The following CABIN1 variants were observed in gnomAD, a reference collection of about 807,000 sequenced individuals.
CABIN1 encodes the protein calcineurin binding protein 1.
In CABIN1, 133 loss-of-function variants were observed where a neutral mutation model predicts 227.7. That is an observed-to-expected ratio of 0.58 (90% CI 0.51 to 0.67). The LOEUF (loss-of-function observed/expected upper bound fraction) is 0.67, where lower values mean the gene tolerates loss of function less well. Ranked by LOEUF, CABIN1 falls within the 30% of genes least tolerant of loss-of-function variation. The pLI is 0.00. For missense variants in CABIN1, 2,408 were observed against 2,852.5 expected, an observed-to-expected ratio of 0.84 and a Z score of 3.55; for synonymous variants, 1,086 against 1,155.1, an observed-to-expected ratio of 0.94 and a Z score of 1.21.
chr22:24,132,586 T>C (rs1365166004), intron 28 of CABIN1, among the ~76,000 whole-genome samples: 2 of 152,040 alleles, frequency 1.3e-5, no homozygotes, highest in East Asian at 3.9e-4. Flanking sequence ...TTGTTTTGCT[T>C]TGTTATTTTT....
intron 34 of CABIN1, 66 bp downstream of exon 34, chr22:24,172,061 A>C (rs1002736199): frequency 1.3e-6 from 2 of 1,548,498 alleles, no homozygotes; most frequent in Non-Finnish European, 1.7e-6. Context: ...CCCTGCGGGG[A>C]GAGTGTGAGT....
chr22:24,086,620 T>C (rs917572849), intron 22 of CABIN1, among the ~76,000 whole-genome samples: 5 of 152,252 alleles, frequency 3.3e-5, no homozygotes, highest in African/African-American at 1.2e-4. Flanking sequence ...ACGATTGGCA[T>C]GTGTGAGGGT....
At chr22:24,128,382 C>T (rs1276124126) in intron 28 of CABIN1, among the ~76,000 whole-genome samples, 1 of 152,150 alleles carries the variant, frequency 6.6e-6, no homozygotes, top group Admixed American at 6.5e-5. Context: ...TATAATTTTT[C>T]ATGATTAGAA....
chr22:24,028,553 T>A (rs1423157965), intron 1 of CABIN1, among the ~76,000 whole-genome samples: 1 of 152,218 alleles, frequency 6.6e-6, no homozygotes, highest in Non-Finnish European at 1.5e-5. Flanking sequence ...GTTAAATGTG[T>A]CCTATCCTCC....
rs1297764676 is a variant in CABIN1, at chr22:24,167,149, C to A, written c.5518C>A (p.Leu1840Ile). The change falls in exon 32 of 37, where the codon CTC becomes ATC. Residue 1840 changes from leucine (L) to isoleucine (I), a missense_variant. Leu to Ile is a conservative substitution (Grantham distance 5). Transcript: ENST00000263119. Reference sequence around the variant, plus strand: ...GGCAGGGGGCCACCCGGAGGAGCCGCTCTCCCGGCTCAGCCGCAAGAGGAA... The same window carrying A: ...GGCAGGGGGCCACCCGGAGGAGCCGATCTCCCGGCTCAGCCGCAAGAGGAA... ...TRAGGHPEEP[L>I]SRLSRKRKLL... 1 of 1,602,436 alleles carries A rather than the reference C, an allele frequency of 6.2e-7. No individual in the cohort carries two copies. The highest frequency in any genetic ancestry group is 8.5e-7 in the Non-Finnish European group (1 of 1,176,090).
chr22:24,019,120 G>T (rs796155050), intron 1 of CABIN1, among the ~76,000 whole-genome samples: 1,067 of 40,016 alleles, frequency 0.027, 24 homozygotes, highest in African/African-American at 0.087. Flanking sequence ...ACTGAGTGTT[G>T]TTTTTTTTTT....
At chr22:24,073,145 T>G (rs896305172) in intron 18 of CABIN1, among the ~76,000 whole-genome samples, 2 of 152,150 alleles carry the variant, frequency 1.3e-5, no homozygotes, top group Non-Finnish European at 2.9e-5. Context: ...GGATCCATAG[T>G]CAGTGCAATG....
At chr22:24,155,544 C>T (rs1034381634) in intron 29 of CABIN1, among the ~76,000 whole-genome samples, 3 of 152,138 alleles carry the variant, frequency 2.0e-5, no homozygotes, top group African/African-American at 7.2e-5. Context: ...TTTTTGCCCT[C>T]CGCCCTGAGG....
At chr22:24,118,528 G>T (rs550844832) in intron 27 of CABIN1, among the ~76,000 whole-genome samples, 1 of 152,284 alleles carries the variant, frequency 6.6e-6, no homozygotes, top group South Asian at 2.1e-4. Flanking sequence ...GCTGCTGGCT[G>T]CTTCTCTGGC....
Position 24,055,054 on chromosome 22 carries a change from A to G in CABIN1, c.988A>G (p.Asn330Asp), listed in dbSNP as rs368749382. 1 of 1,614,256 alleles carries G rather than the reference A, an allele frequency of 6.2e-7. No individual in the cohort carries two copies. Among genetic ancestry groups the G allele is most frequent in the Admixed American group, 1.7e-5 (1 of 60,034 alleles). The change falls in exon 9 of 37, where the codon AAC becomes GAC. Residue 330 changes from asparagine to aspartate, a missense_variant. Physicochemically the swap from Asn to Asp is conservative, Grantham distance 23. This residue lies in a region of CABIN1 where 1,045 missense variants were observed against 1,168.4 expected (regional missense o/e 0.89). Coordinates refer to ENST00000263119, the MANE Select transcript of CABIN1 (RefSeq NM_012295.4). ...NVIQPSTVST[N>D]PAVAVAEPVV... ...GATCCAGCCAAGCACTGTCAGCACCAACCCAGCTGTGGCTGTCGCCGAGCC... is the reference window on the plus strand; with the variant it reads ...GATCCAGCCAAGCACTGTCAGCACCGACCCAGCTGTGGCTGTCGCCGAGCC...
At position 24,168,504 on chromosome 22, in the gene CABIN1, G is replaced by A. The variant is rs1304742761; in HGVS notation, c.5740G>A (p.Ala1914Thr). ...AVKFCQVHLG[A>T]AAQRQASGDT... Reference sequence around the variant, plus strand: ...GAAGTTCTGCCAGGTCCATCTTGGGGCTGCCGCCCAGAGACAGGTAAGCCC... The same window carrying A: ...GAAGTTCTGCCAGGTCCATCTTGGGACTGCCGCCCAGAGACAGGTAAGCCC... Residue 1914 changes from alanine (A) to threonine (T), a missense_variant, in exon 33 of 37, where the codon GCT becomes ACT. By Grantham distance (58) the Ala-to-Thr change is moderately conservative. Coordinates refer to ENST00000263119, the MANE Select transcript of CABIN1 (RefSeq NM_012295.4). 2 of 1,561,218 alleles carry A rather than the reference G, an allele frequency of 1.3e-6. No homozygotes were observed. Among genetic ancestry groups the A allele is most frequent in the Admixed American group, 3.8e-5 (2 of 52,820 alleles).
Position 24,098,286 on chromosome 22 carries a change from A to AG in CABIN1, c.4117+101dup, listed in dbSNP as rs575668543. On this transcript the variant is annotated intron_variant, in intron 26 of 36. Coordinates refer to ENST00000263119, the MANE Select transcript of CABIN1 (RefSeq NM_012295.4). ...CTCATTTTGTCGCTTCGTTTTGGTGAGGGGGGGTGCTGGGTCTGGGGTGAC... is the reference window on the plus strand; with the variant it reads ...CTCATTTTGTCGCTTCGTTTTGGTGAGGGGGGGGTGCTGGGTCTGGGGTGAC... The AG allele has an allele frequency of 5.7e-4, 785 of 1,381,706 alleles. 4 individuals are homozygous for AG. The East Asian group carries it at 0.014, about 24-fold the overall frequency. 85.6% of individuals were successfully genotyped at this position (1,381,706 alleles called of 1,614,324 possible). A position where few individuals can be genotyped will look rare whatever the true frequency, so the allele number is the denominator to read the frequency against.
At chr22:24,113,418 C>T in intron 26 of CABIN1, 148 bp from the exon 27 acceptor site, 1 of 791,408 alleles carries the variant, frequency 1.3e-6, no homozygotes. Context: ...ATGGGTTGGG[C>T]CCAGCAGTGT....
chr22:24,169,026 A>C (rs2046626078), intron 33 of CABIN1, among the ~76,000 whole-genome samples: 1 of 146,122 alleles, frequency 6.8e-6, no homozygotes, highest in African/African-American at 2.5e-5. Flanking sequence ...AACACTCCTG[A>C]GTAGGGAAGA....
chr22:24,027,366 AT>A (rs2036169055), intron 1 of CABIN1, among the ~76,000 whole-genome samples: 1 of 151,874 alleles, frequency 6.6e-6, no homozygotes, highest in Admixed American at 6.6e-5. Context: ...CACTTAACTT[AT>A]TTTTCTTGCC....
intron 7 of CABIN1, among the ~76,000 whole-genome samples, chr22:24,050,152 G>A (rs1041394352): frequency 6.6e-6 from 1 of 152,204 alleles, no homozygotes; most frequent in African/African-American, 2.4e-5. Flanking sequence ...TCTATCCCCT[G>A]TGAGCCTGTC....
At chr22:24,101,181 G>A (rs1164765489) in intron 26 of CABIN1, among the ~76,000 whole-genome samples, 2 of 152,234 alleles carry the variant, frequency 1.3e-5, no homozygotes, top group Non-Finnish European at 2.9e-5. Flanking sequence ...CCTTGGGCAT[G>A]GTTAGGAGAC....
intron 24 of CABIN1, among the ~76,000 whole-genome samples, chr22:24,093,316 C>T (rs1054036595): frequency 6.0e-5 from 9 of 150,342 alleles, no homozygotes; most frequent in Admixed American, 2.6e-4. Flanking sequence ...TTTGGGAGGC[C>T]GAGGTGGGTG....
In CABIN1 at chr22:24,119,388, A is replaced by G; in HGVS notation, c.4322A>G (p.Glu1441Gly). The change falls in exon 28 of 37, where the codon GAG becomes GGG. Residue 1441 changes from glutamate (E) to glycine (G), a missense_variant. Physicochemically the swap from Glu to Gly is moderately conservative, Grantham distance 98. Transcript: ENST00000263119. ...EERGKNEESL[E>G]STEGFRAAEQ... The stretch of plus-strand genomic sequence containing the variant: ...GTAGGAAAAAACGAGGAGTCATTGG[A>G]GAGTACAGAAGGCTTCCGGGCTGCA... 6.2e-7 allele frequency: 1 copy of G among 1,613,682 alleles called. No homozygotes were observed. The highest frequency in any genetic ancestry group is 8.5e-7 in the Non-Finnish European group (1 of 1,180,018).
Sources: gnomAD v4.1 joint callset for allele counts (sites outside exome capture counted in the v4.1 genomes callset) on GRCh38, gnomAD v4.1.1 for gene constraint, gnomAD v4.1.1 regional missense constraint, MANE v1.5 for transcripts, NCBI Gene and HGNC (gene_info 2026-07-23, HGNC 2026-07-21) for gene names.